Variants in PPARGC1A observed in about 807,000 individuals in gnomAD.
PPARGC1A encodes the protein PPARG coactivator 1 alpha.
PPARGC1A carries 25 observed loss-of-function variants against 88.7 expected under a neutral mutation model. The observed-to-expected ratio is 0.28, with a 90% CI of 0.21 to 0.39. The LOEUF (loss-of-function observed/expected upper bound fraction) is 0.39, where lower values mean the gene tolerates loss of function less well. Among genes scored for constraint, PPARGC1A ranks in the 10% least tolerant of loss-of-function variants. The probability of loss-of-function intolerance (pLI) is 1.00; values close to 1 mark genes in which losing one functional copy is unlikely to be tolerated. For missense variants in PPARGC1A, 880 were observed against 968.7 expected, an observed-to-expected ratio of 0.91 and a Z score of 1.22; for synonymous variants, 363 against 355.6, an observed-to-expected ratio of 1.02 and a Z score of -0.24.
At chr4:24,256,012 T>G in the PPARGC1A span, among the ~76,000 whole-genome samples, 19 of 152,138 alleles carry the variant, frequency 1.2e-4, no homozygotes, top group Non-Finnish European at 2.1e-4. Context: ...CAAAGTCATC[T>G]CCCCTCAATT....
At chr4:24,325,030 A>G in the PPARGC1A span, among the ~76,000 whole-genome samples, 1 of 152,080 alleles carries the variant, frequency 6.6e-6, no homozygotes, top group Non-Finnish European at 1.5e-5. Flanking sequence ...CCACCTGCCC[A>G]GCAATTTACT....
At chr4:23,965,336 T>A in the PPARGC1A span, among the ~76,000 whole-genome samples, 3 of 152,220 alleles carry the variant, frequency 2.0e-5, no homozygotes, top group Admixed American at 2.0e-4. Flanking sequence ...TCACCTCTTA[T>A]CATTTCTATA....
chr4:24,399,791 CTTT>C, the PPARGC1A span, among the ~76,000 whole-genome samples: 2 of 141,556 alleles, frequency 1.4e-5, no homozygotes, highest in Admixed American at 7.1e-5. Flanking sequence ...AAGGAATCTC[CTTT>C]TTTTTTTTTT....
At chr4:24,193,568 A>G in the PPARGC1A span, among the ~76,000 whole-genome samples, 1 of 152,144 alleles carries the variant, frequency 6.6e-6, no homozygotes. Context: ...CACTTTCCTG[A>G]AAAGTTTCCA....
At chr4:24,422,826 CAGTTGCA>C in the PPARGC1A span, among the ~76,000 whole-genome samples, 9 of 152,126 alleles carry the variant, frequency 5.9e-5, no homozygotes, top group Non-Finnish European at 1.2e-4. Context: ...AAGCTTTAAT[CAGTTGCA>C]AATGCCTGAG....
the PPARGC1A span, among the ~76,000 whole-genome samples, chr4:24,000,655 T>A: frequency 8.8e-4 from 134 of 152,296 alleles, no homozygotes; most frequent in African/African-American, 3.1e-3. Context: ...GGATTTTTTC[T>A]TTTTTTCTTA....
chr4:24,318,990 GAAACAAAC>G, the PPARGC1A span, among the ~76,000 whole-genome samples: 2 of 152,016 alleles, frequency 1.3e-5, no homozygotes, highest in Non-Finnish European at 2.9e-5. Context: ...ACCAAAAAGA[GAAACAAAC>G]AAACAAACAA....
chr4:24,077,707 C>T, the PPARGC1A span, among the ~76,000 whole-genome samples: 1 of 149,606 alleles, frequency 6.7e-6, no homozygotes, highest in South Asian at 2.1e-4. Context: ...TTGACTCTTA[C>T]AATCTGTGGC....
chr4:23,832,200 T>C (rs1725129522), intron 2 of PPARGC1A, among the ~76,000 whole-genome samples: 1 of 152,134 alleles, frequency 6.6e-6, no homozygotes, highest in African/African-American at 2.4e-5. Context: ...AGCTCTTTAT[T>C]TGAACAACAC....
the PPARGC1A span, among the ~76,000 whole-genome samples, chr4:23,953,600 G>A: frequency 1.3e-5 from 2 of 151,904 alleles, no homozygotes; most frequent in Non-Finnish European, 2.9e-5. Flanking sequence ...AAGTAGCCAG[G>A]GTCTCATTGC....
the PPARGC1A span, among the ~76,000 whole-genome samples, chr4:24,007,868 C>T: frequency 6.6e-6 from 1 of 152,146 alleles, no homozygotes; most frequent in African/African-American, 2.4e-5. Context: ...CAGTCGAGAA[C>T]TGATAGGGAC....
At chr4:24,315,524 T>C in the PPARGC1A span, among the ~76,000 whole-genome samples, 2 of 152,232 alleles carry the variant, frequency 1.3e-5, no homozygotes, top group African/African-American at 4.8e-5. Context: ...AGGTGAGATG[T>C]GTCCACAAAC....
the PPARGC1A span, among the ~76,000 whole-genome samples, chr4:24,182,726 A>G: frequency 6.6e-6 from 1 of 152,136 alleles, no homozygotes; most frequent in African/African-American, 2.4e-5. Context: ...TGTGGTTTCA[A>G]TTTGCATTTC....
chr4:23,857,259 T>C (rs1481752284), intron 2 of PPARGC1A, among the ~76,000 whole-genome samples: 1 of 151,046 alleles, frequency 6.6e-6, no homozygotes, highest in Non-Finnish European at 1.5e-5. Context: ...AACAAGTGCA[T>C]AGTGACAAAT....
At chr4:24,034,342 T>C in the PPARGC1A span, among the ~76,000 whole-genome samples, 1 of 152,222 alleles carries the variant, frequency 6.6e-6, no homozygotes, top group Non-Finnish European at 1.5e-5. Flanking sequence ...AATACCAACA[T>C]GTGGGCCTTA....
At chr4:23,939,540 T>C in the PPARGC1A span, among the ~76,000 whole-genome samples, 1 of 152,224 alleles carries the variant, frequency 6.6e-6, no homozygotes, top group Non-Finnish European at 1.5e-5. Context: ...TCTATAGTGG[T>C]AGGAATCTCA....
the PPARGC1A span, among the ~76,000 whole-genome samples, chr4:23,910,478 T>C: frequency 7.2e-6 from 1 of 138,646 alleles, no homozygotes; most frequent in African/African-American, 2.7e-5. Flanking sequence ...TCTCGCTCTG[T>C]CACCCAGGCT....
chr4:23,813,731 G>A lies in PPARGC1A; in HGVS notation c.1752C>T (p.Ser584=), dbSNP rs777528401. ...RHRSCSRSPY[S]RSRSRSPGSR... is the part of the protein sequence containing the mutation. ...TGCCTGGAGACCTTGATCTTGACCT[G>A]GAATATGGTGATCGGGAACACGACC... Residue 584 remains serine, a synonymous_variant, in exon 8 of 13, where the codon TCC becomes TCT. Transcript: ENST00000264867. The A allele has an allele frequency of 6.2e-7, 1 of 1,612,166 alleles. No homozygotes were observed. The highest frequency in any genetic ancestry group is 1.1e-5 in the South Asian group (1 of 90,876).
At chr4:24,185,554 C>T in the PPARGC1A span, among the ~76,000 whole-genome samples, 9 of 152,126 alleles carry the variant, frequency 5.9e-5, no homozygotes, top group African/African-American at 1.4e-4. Context: ...CTCACCAGTA[C>T]GAGAAGCAAG....
Sources: allele counts gnomAD v4.1 joint callset (sites outside exome capture counted in the v4.1 genomes callset), GRCh38; gene constraint gnomAD v4.1.1; transcripts MANE v1.5; gene names NCBI Gene and HGNC (gene_info 2026-07-23, HGNC 2026-07-21).